Variants in CDH13 observed in about 807,000 individuals in gnomAD.
CDH13 encodes the protein cadherin-13.
In CDH13, 24 loss-of-function variants were observed where a neutral mutation model predicts 63.8. The ratio of observed to expected loss-of-function variants is 0.38; its 90% CI spans 0.27 to 0.53. CDH13 has a LOEUF of 0.53. Among genes scored for constraint, CDH13 ranks in the 20% least tolerant of loss-of-function variants. CDH13 has a pLI of 0.85. For missense variants in CDH13, 1,049 were observed against 903.1 expected (o/e 1.16, Z -2.07); for synonymous variants, 503 against 355.3 (o/e 1.42, Z -4.67).
At chr16:82,739,915 C>G (rs2033853826) in intron 1 of CDH13, among the ~76,000 whole-genome samples, 1 of 152,156 alleles carries the variant, frequency 6.6e-6, no homozygotes, top group Non-Finnish European at 1.5e-5. Flanking sequence ...TGTTGGCTAC[C>G]TATGAAATTA....
At chr16:82,971,385 T>C (rs1209045452) in intron 2 of CDH13, among the ~76,000 whole-genome samples, 1 of 152,234 alleles carries the variant, frequency 6.6e-6, no homozygotes, top group Non-Finnish European at 1.5e-5. Context: ...CACACTTGAA[T>C]CCTTGTTGCA....
chr16:83,281,800 C>G (rs1158467331), intron 5 of CDH13, among the ~76,000 whole-genome samples: 3 of 151,552 alleles, frequency 2.0e-5, no homozygotes, highest in Non-Finnish European at 4.4e-5. Flanking sequence ...GTAATCCCAG[C>G]TACTCGGGAG....
chr16:82,853,920 A>G (rs772716650), intron 1 of CDH13, among the ~76,000 whole-genome samples: 36 of 152,222 alleles, frequency 2.4e-4, no homozygotes, highest in Non-Finnish European at 1.6e-4. Flanking sequence ...TGCATGTGAC[A>G]TCTCATAATA....
chr16:83,563,538 T>A (rs1446334090), intron 7 of CDH13, among the ~76,000 whole-genome samples: 1 of 152,194 alleles, frequency 6.6e-6, no homozygotes, highest in Non-Finnish European at 1.5e-5. Flanking sequence ...CTTTTGGGAG[T>A]GGTGACAGTT....
At chr16:83,292,826 C>G (rs560649479) in intron 5 of CDH13, among the ~76,000 whole-genome samples, 2 of 152,244 alleles carry the variant, frequency 1.3e-5, no homozygotes, top group African/African-American at 4.8e-5. Flanking sequence ...TTTCTTTTCT[C>G]TTTACACTTG....
At chr16:82,901,877 C>T (rs936053405) in intron 2 of CDH13, among the ~76,000 whole-genome samples, 1 of 152,228 alleles carries the variant, frequency 6.6e-6, no homozygotes, top group African/African-American at 2.4e-5. Context: ...TGCCTTCCAT[C>T]AGTAGAGCAG....
chr16:82,775,063 A>G (rs2035434418), intron 1 of CDH13, among the ~76,000 whole-genome samples: 1 of 152,222 alleles, frequency 6.6e-6, no homozygotes. Flanking sequence ...GGAGAGTAGA[A>G]TAGGGTATGG....
At chr16:83,139,543 C>T (rs371020249) in intron 4 of CDH13, among the ~76,000 whole-genome samples, 1 of 152,158 alleles carries the variant, frequency 6.6e-6, no homozygotes, top group East Asian at 1.9e-4. Context: ...TGAAATTCAT[C>T]ACAAGTGGTG....
chr16:83,456,265 C>G (rs999152493), intron 6 of CDH13, among the ~76,000 whole-genome samples: 5 of 152,160 alleles, frequency 3.3e-5, no homozygotes, highest in Admixed American at 1.3e-4. Context: ...ACAGGTGTCT[C>G]TGAACATTTC....
chr16:83,327,365 G>T (rs185556246), intron 5 of CDH13, among the ~76,000 whole-genome samples: 1 of 152,154 alleles, frequency 6.6e-6, no homozygotes, highest in Non-Finnish European at 1.5e-5. Flanking sequence ...TTGTCTTTTG[G>T]CTGGGTTCAT....
At chr16:82,951,502 G>A (rs1168151600) in intron 2 of CDH13, among the ~76,000 whole-genome samples, 8 of 152,154 alleles carry the variant, frequency 5.3e-5, no homozygotes, top group South Asian at 2.1e-4. Context: ...CGTTGGGTAC[G>A]CTGGCTTCAT....
intron 7 of CDH13, among the ~76,000 whole-genome samples, chr16:83,519,006 C>T (rs867547876): frequency 2.0e-5 from 3 of 152,176 alleles, no homozygotes; most frequent in East Asian, 1.9e-4. Context: ...CAGTTTGTAA[C>T]GTAGGCACTA....
chr16:83,677,949 C>G (rs896474624), intron 9 of CDH13, among the ~76,000 whole-genome samples: 1 of 152,012 alleles, frequency 6.6e-6, no homozygotes, highest in South Asian at 2.1e-4. Context: ...CACTAAGGCT[C>G]AAGTCATGTG....
chr16:82,700,742 A>G (rs1328386608), intron 1 of CDH13, among the ~76,000 whole-genome samples: 1 of 152,012 alleles, frequency 6.6e-6, no homozygotes, highest in East Asian at 1.9e-4. Flanking sequence ...TGCCCTCACA[A>G]AGGATTTCAG....
At chr16:83,620,785 C>T (rs1018746146) in intron 8 of CDH13, among the ~76,000 whole-genome samples, 1 of 152,174 alleles carries the variant, frequency 6.6e-6, no homozygotes, top group African/African-American at 2.4e-5. Flanking sequence ...TCTGCATCTG[C>T]TTTTCCCTTG....
chr16:83,346,499 G>A (rs1395747474), intron 6 of CDH13, among the ~76,000 whole-genome samples: 3 of 152,320 alleles, frequency 2.0e-5, no homozygotes, highest in African/African-American at 4.8e-5. Flanking sequence ...CGGGCCCCAT[G>A]AGTGAGTGAC....
At chr16:83,643,860 C>G (rs1767161590) in intron 8 of CDH13, among the ~76,000 whole-genome samples, 1 of 152,216 alleles carries the variant, frequency 6.6e-6, no homozygotes. Flanking sequence ...TTCCTGTCCA[C>G]TTGTCCACTG....
intron 6 of CDH13, among the ~76,000 whole-genome samples, chr16:83,426,927 T>TTTTTTTTTTTTTTTTTTC (rs2071925782): frequency 9.1e-6 from 1 of 109,576 alleles, no homozygotes; most frequent in Non-Finnish European, 1.9e-5. Flanking sequence ...TTTTTTTTTT[T>TTTTTTTTTTTTTTTTTTC]TTTTTTTTTT....
At chr16:83,323,167 CTT>C (rs201901832) in intron 5 of CDH13, among the ~76,000 whole-genome samples, 1,188 of 4,718 alleles carry the variant, frequency 0.25, 11 homozygotes, top group Non-Finnish European at 0.46. Context: ...CTTTCTTTCT[CTT>C]TCTTTTTTCT....
Sources: allele counts gnomAD v4.1 joint callset (sites outside exome capture counted in the v4.1 genomes callset), GRCh38; gene constraint gnomAD v4.1.1; transcripts MANE v1.5; gene names NCBI Gene and HGNC (gene_info 2026-07-23, HGNC 2026-07-21).